Variants in KANK1 observed in about 807,000 individuals in gnomAD.
KANK1 encodes KN motif and ankyrin repeat domain-containing protein 1.
A neutral mutation model predicts 106.2 loss-of-function variants in KANK1; 109 were observed. That is an observed-to-expected ratio of 1.03 (90% confidence interval 0.88 to 1.20). The LOEUF is 1.20. Among genes scored for constraint, KANK1 ranks in the 50% most tolerant of loss-of-function variants. The probability of loss-of-function intolerance (pLI) is 0.00; values close to 1 mark genes in which losing one functional copy is unlikely to be tolerated. For missense variants in KANK1, 2,399 were observed against 1,710.7 expected, an observed-to-expected ratio of 1.40 and a Z score of -7.10; for synonymous variants, 873 against 652.2, an observed-to-expected ratio of 1.34 and a Z score of -5.16.
intron 1 of KANK1, among the ~76,000 whole-genome samples, chr9:619,508 C>T (rs1249650960): frequency 1.3e-5 from 2 of 152,112 alleles, no homozygotes; most frequent in African/African-American, 2.4e-5. Flanking sequence ...GAAGAGCCAA[C>T]ATTAGTTCAG....
At chr9:561,287 CAT>C (rs1449823780) in intron 1 of KANK1, among the ~76,000 whole-genome samples, 1 of 152,164 alleles carries the variant, frequency 6.6e-6, no homozygotes, top group Admixed American at 6.5e-5. Context: ...AAATGGATAT[CAT>C]ATACTATTTA....
intron 1 of KANK1, among the ~76,000 whole-genome samples, chr9:545,152 G>A (rs2060853914): frequency 6.8e-6 from 1 of 147,124 alleles, no homozygotes; most frequent in Non-Finnish European, 1.5e-5. Context: ...CTGCTACTCA[G>A]TATGGCGGTT....
chr9:634,387 G>A (rs1053392917), intron 1 of KANK1, among the ~76,000 whole-genome samples: 11 of 152,122 alleles, frequency 7.2e-5, no homozygotes, highest in South Asian at 2.1e-4. Context: ...GGGGTCACTC[G>A]GTTGCCTGAA....
chr9:549,117 C>T (rs2061114736), intron 1 of KANK1: 1 of 150,914 alleles, frequency 6.6e-6, no homozygotes, highest in African/African-American at 2.4e-5. Flanking sequence ...AAAAACAGGA[C>T]AAAGAAACCT....
At chr9:513,693 CTGT>C (rs1436101108) in intron 1 of KANK1, among the ~76,000 whole-genome samples, 1 of 152,106 alleles carries the variant, frequency 6.6e-6, no homozygotes, top group Admixed American at 6.5e-5. Context: ...TTTCAGATTT[CTGT>C]TGTTAATTCT....
intron 6 of KANK1, 191 bp downstream of exon 6, chr9:732,808 G>T: frequency 1.9e-6 from 1 of 530,730 alleles, no homozygotes; most frequent in Non-Finnish European, 3.2e-6. Flanking sequence ...TGGTAGAATG[G>T]CCTGGTACCT....
At chr9:648,073 G>A (rs1393597775) in intron 1 of KANK1, among the ~76,000 whole-genome samples, 1 of 140,392 alleles carries the variant, frequency 7.1e-6, no homozygotes, top group Non-Finnish European at 1.5e-5. Context: ...GTGCAATCTT[G>A]GCTCACTGCA....
intron 1 of KANK1, among the ~76,000 whole-genome samples, chr9:642,137 C>T (rs1838601509): frequency 6.6e-6 from 1 of 152,150 alleles, no homozygotes; most frequent in African/African-American, 2.4e-5. Context: ...GATTTCTGTG[C>T]GGATTAAACC....
intron 1 of KANK1, among the ~76,000 whole-genome samples, chr9:673,111 G>C (rs1815568089): frequency 6.6e-6 from 1 of 150,440 alleles, no homozygotes; most frequent in Non-Finnish European, 1.5e-5. Context: ...CTGTCAGCAT[G>C]AATAATAACT....
intron 1 of KANK1, among the ~76,000 whole-genome samples, chr9:539,168 A>G (rs1163989628): frequency 1.3e-5 from 2 of 152,206 alleles, no homozygotes; most frequent in Non-Finnish European, 1.5e-5. Context: ...GGCATGAGCC[A>G]TCATGCCTGG....
intron 1 of KANK1, among the ~76,000 whole-genome samples, chr9:616,260 G>A (rs1352270826): frequency 6.6e-6 from 1 of 152,130 alleles, no homozygotes; most frequent in Non-Finnish European, 1.5e-5. Context: ...TAAAGTGAAG[G>A]CTTTTCAGCA....
intron 3 of KANK1, among the ~76,000 whole-genome samples, chr9:476,291 C>T (rs1291775344): frequency 2.0e-5 from 3 of 152,078 alleles, no homozygotes; most frequent in East Asian, 1.9e-4. Flanking sequence ...GAGGCCGAGG[C>T]GGGTGGATCA....
rs1034812466 is a variant in KANK1, at chr9:684,424, TAAAC to T, written c.37+7417_37+7420del. ...AAGAAAGAAAAAAACACATACAAAA[TAAAC>T]ACCCAACAGGGAGATTCGCTGTGTT... On this transcript the variant is annotated intron_variant, in intron 2 of 11. Transcript: ENST00000382297. The T allele has an allele frequency of 8.1e-6, 8 of 985,246 alleles. No homozygotes were observed. In the African/African-American group the frequency reaches 1.4e-4, roughly 17 times the overall value. The allele number at this position is 985,246 out of a possible 1,614,324, so 61.0% of individuals were successfully genotyped here.
chr9:647,361 T>C (rs1175305770), intron 1 of KANK1, among the ~76,000 whole-genome samples: 1 of 150,902 alleles, frequency 6.6e-6, no homozygotes, highest in East Asian at 1.9e-4. Context: ...ATGACTATAC[T>C]GTGTTGTAGT....
intron 3 of KANK1, among the ~76,000 whole-genome samples, chr9:714,490 G>A (rs1382932231): frequency 6.6e-6 from 1 of 151,062 alleles, no homozygotes; most frequent in Admixed American, 6.6e-5. Flanking sequence ...CTCCTGAGTA[G>A]CTGGGACTAC....
At position 734,750 on chromosome 9, in the gene KANK1, A is replaced by G; in HGVS notation, c.3248A>G (p.Tyr1083Cys). Residue 1083 changes from tyrosine to cysteine, a missense_variant and splice_region_variant, in exon 7 of 12, where the codon TAT (tyrosine) becomes TGT (cysteine). Physicochemically the swap from Tyr to Cys is radical, Grantham distance 194. Transcript: ENST00000382297. The part of the protein sequence containing the change: ...EPEKVEIRER[Y>C]ELSEKMLSAC... Reference sequence around the variant, plus strand: ...TAACTTGTTTTTTCTCCTTTCAGGTATGAATTAAGTGAAAAGATGTTGTCT... The same window carrying G: ...TAACTTGTTTTTTCTCCTTTCAGGTGTGAATTAAGTGAAAAGATGTTGTCT... The G allele has an allele frequency of 1.9e-6, 3 of 1,599,656 alleles. No individual in the cohort carries two copies. The highest frequency in any genetic ancestry group is 2.6e-6 in the Non-Finnish European group (3 of 1,166,858).
rs561279090 is a variant in KANK1, at chr9:651,514, C to G, written c.-83-25376C>G. Among the ~76,000 whole-genome samples the G allele has an allele frequency of 1.2e-4, 19 of 152,294 alleles. No homozygotes were observed. In the South Asian group the frequency reaches 3.5e-3, roughly 28 times the overall value. Reference sequence around the variant, plus strand: ...GTTGGGTGTATGTGTAAGTACCATGCATTGGATACATCCTCTGTTGAAAGG... The same window carrying G: ...GTTGGGTGTATGTGTAAGTACCATGGATTGGATACATCCTCTGTTGAAAGG... On this transcript the variant is annotated intron_variant, in intron 1 of 11. Transcript: ENST00000382297.
intron 1 of KANK1, among the ~76,000 whole-genome samples, chr9:551,137 C>T (rs1280110080): frequency 6.6e-6 from 1 of 151,716 alleles, no homozygotes; most frequent in Non-Finnish European, 1.5e-5. Context: ...CTCAGTATAA[C>T]CAGATTGTCA....
At chr9:628,053 T>G (rs1023444410) in intron 1 of KANK1, among the ~76,000 whole-genome samples, 2 of 152,124 alleles carry the variant, frequency 1.3e-5, no homozygotes, top group African/African-American at 4.8e-5. Context: ...TTACAGTATA[T>G]AAAACACTTA....
Sources: allele counts gnomAD v4.1 joint callset (sites outside exome capture counted in the v4.1 genomes callset), GRCh38; gene constraint gnomAD v4.1.1; transcripts MANE v1.5; gene names NCBI Gene and HGNC (gene_info 2026-07-23, HGNC 2026-07-21).